The following DACH2 variants were observed in gnomAD, a reference collection of about 807,000 sequenced individuals.
The protein encoded by DACH2 is dachshund family transcription factor 2, also known as dachshund homolog 2.
In DACH2, 17 loss-of-function variants were observed where a neutral mutation model predicts 35.8. That is an observed-to-expected ratio of 0.48 (90% CI 0.33 to 0.71). The LOEUF is 0.71. Among genes scored for constraint, DACH2 ranks in the 30% least tolerant of loss-of-function variants. DACH2 has a pLI of 0.02. For synonymous variants in DACH2, 195 were observed against 177.3 expected (o/e 1.10, Z -0.79); for missense variants, 469 against 472.7 (o/e 0.99, Z 0.07).
intron 6 of DACH2, 122 bp downstream of exon 6, chrX:86,714,842 C>T: frequency 3.2e-6 from 2 of 619,868 alleles, no homozygotes; most frequent in Non-Finnish European, 4.7e-6. Flanking sequence ...AGTTAGCATA[C>T]AGTATTGATG....
chrX:86,548,775 TACCA>T (rs1195565966), intron 3 of DACH2, among the ~76,000 whole-genome samples: 2 of 112,455 alleles, frequency 1.8e-5, no homozygotes, highest in African/African-American at 6.5e-5. Context: ...AAAGTATTTA[TACCA>T]ACCATCTTAA....
intron 11 of DACH2, among the ~76,000 whole-genome samples, chrX:86,822,336 C>A (rs2042520880): frequency 9.0e-6 from 1 of 111,378 alleles, no homozygotes; most frequent in South Asian, 3.7e-4. Context: ...GAATTCATAA[C>A]CTAAAATTGG....
rs751567384 is a variant in DACH2, at chrX:86,494,824, G to C, written c.528-19455G>C. Among the ~76,000 whole-genome samples, 4 of 111,943 alleles carry C rather than the reference G, an allele frequency of 3.6e-5. No homozygotes were observed. The South Asian group carries it at 1.1e-3, about 31-fold the overall frequency. Reference sequence around the variant, plus strand: ...AATGCACCAGTATTTACAAATATGAGTAGTATATAAATATTCAAAATGGGC... The same window carrying C: ...AATGCACCAGTATTTACAAATATGACTAGTATATAAATATTCAAAATGGGC... On this transcript the variant is annotated intron_variant, in intron 2 of 11. Transcript: ENST00000373125.
chrX:86,653,966 C>G (rs2148408799), intron 4 of DACH2, among the ~76,000 whole-genome samples: 1 of 109,665 alleles, frequency 9.1e-6, no homozygotes, highest in Non-Finnish European at 1.9e-5. Context: ...TGCGCCCAGC[C>G]AATATTTTTT....
chrX:86,662,032 T>A (rs974734683), intron 4 of DACH2, among the ~76,000 whole-genome samples: 1 of 112,189 alleles, frequency 8.9e-6, no homozygotes, highest in Non-Finnish European at 1.9e-5. Context: ...TTGGTTGATA[T>A]GTACAGAGAG....
At chrX:86,828,035 GGAGT>G (rs200206167) in intron 11 of DACH2, 1 of 237,995 alleles carries the variant, frequency 4.2e-6, no homozygotes, top group Non-Finnish European at 7.1e-6. Context: ...TTTCTTTCAA[GGAGT>G]TAGTTCATAG....
At chrX:86,168,773 C>T (rs1406713302) in intron 1 of DACH2, among the ~76,000 whole-genome samples, 1 of 109,457 alleles carries the variant, frequency 9.1e-6, no homozygotes, top group Non-Finnish European at 1.9e-5. Context: ...AAAAAGACAA[C>T]TAATAAAAAC....
chrX:86,587,367 G>A (rs757341763), intron 3 of DACH2, among the ~76,000 whole-genome samples: 1 of 111,551 alleles, frequency 9.0e-6, no homozygotes, highest in Non-Finnish European at 1.9e-5. Context: ...AATAGAGATA[G>A]TTTGACTTCT....
At chrX:86,557,987 C>T (rs376705972) in intron 3 of DACH2, among the ~76,000 whole-genome samples, 1 of 27,711 alleles carries the variant, frequency 3.6e-5, no homozygotes, top group Non-Finnish European at 6.4e-5. Flanking sequence ...TGAATAGGAG[C>T]GGTGAGAGAG....
intron 1 of DACH2, among the ~76,000 whole-genome samples, chrX:86,191,172 G>A (rs2031823719): frequency 9.0e-6 from 1 of 111,386 alleles, no homozygotes; most frequent in East Asian, 2.8e-4. Context: ...AAAGACACAT[G>A]CACGTGTATG....
At chrX:86,738,805 G>T (rs764237518) in intron 6 of DACH2, among the ~76,000 whole-genome samples, 8 of 111,252 alleles carry the variant, frequency 7.2e-5, no homozygotes, top group Non-Finnish European at 1.5e-4. Flanking sequence ...AATAGTAGAA[G>T]AATTGACCTT....
intron 1 of DACH2, among the ~76,000 whole-genome samples, chrX:86,296,204 C>A (rs943654042): frequency 9.6e-6 from 1 of 103,885 alleles, no homozygotes; most frequent in Non-Finnish European, 2.0e-5. Flanking sequence ...ACGGTGAAAC[C>A]CCGTCTCTAC....
At chrX:86,565,387 A>G (rs1211335608) in intron 3 of DACH2, among the ~76,000 whole-genome samples, 1 of 111,556 alleles carries the variant, frequency 9.0e-6, no homozygotes, top group African/African-American at 3.3e-5. Context: ...TCCCCGGACC[A>G]TCAGCATTAG....
intron 3 of DACH2, among the ~76,000 whole-genome samples, chrX:86,615,005 C>T (rs2039987332): frequency 9.0e-6 from 1 of 111,521 alleles, no homozygotes; most frequent in South Asian, 3.8e-4. Context: ...TGTGAGGAAA[C>T]AAAGTGAATA....
At chrX:86,657,491 A>G (rs1326011446) in intron 4 of DACH2, among the ~76,000 whole-genome samples, 2 of 111,761 alleles carry the variant, frequency 1.8e-5, no homozygotes, top group Non-Finnish European at 3.8e-5. Context: ...CCCTGCTCTG[A>G]AATCAAGCTG....
At chrX:86,581,728 T>C (rs1188492088) in intron 3 of DACH2, among the ~76,000 whole-genome samples, 1 of 111,613 alleles carries the variant, frequency 9.0e-6, no homozygotes, top group Non-Finnish European at 1.9e-5. Context: ...AGCACTCAGA[T>C]TCATAATGCA....
At position 86,651,098 on chromosome X, in the gene DACH2, A is replaced by G. The variant is rs780882514; in HGVS notation, c.703A>G (p.Asn235Asp). 3.0e-5 allele frequency: 36 copies of G among 1,208,010 alleles called. No individual in the cohort carries two copies. In the Admixed American group the frequency reaches 7.5e-4, roughly 25 times the overall value. Residue 235 changes from asparagine to aspartate, a missense_variant, in exon 4 of 12, where the codon AAC (asparagine) becomes GAC (aspartate). Physicochemically the swap from Asn to Asp is conservative, Grantham distance 23. Coordinates refer to ENST00000373125, the MANE Select transcript of DACH2 (RefSeq NM_053281.3). Reference sequence around the variant, plus strand: ...TCAGAAGATGAAGCTTATGGCTATGAACACTCTTCAGGGAAATGGAAGCCA... The same window carrying G: ...TCAGAAGATGAAGCTTATGGCTATGGACACTCTTCAGGGAAATGGAAGCCA... Reference protein sequence around the residue: ...KLQKMKLMAMNTLQGNGSQNG... With the variant: ...KLQKMKLMAMDTLQGNGSQNG...
chrX:86,158,479 C>A (rs2030632471), intron 1 of DACH2, among the ~76,000 whole-genome samples: 1 of 109,921 alleles, frequency 9.1e-6, no homozygotes, highest in South Asian at 3.9e-4. Flanking sequence ...TTCTTCACAA[C>A]CATTTTGATC....
chrX:86,641,386 A>G (rs993752425), intron 3 of DACH2, among the ~76,000 whole-genome samples: 1 of 112,167 alleles, frequency 8.9e-6, no homozygotes, highest in African/African-American at 3.2e-5. Flanking sequence ...CTGAAATAAG[A>G]CAGTCAGACA....
Sources: allele counts gnomAD v4.1 joint callset (sites outside exome capture counted in the v4.1 genomes callset), GRCh38; gene constraint gnomAD v4.1.1; transcripts MANE v1.5; gene names NCBI Gene and HGNC (gene_info 2026-07-23, HGNC 2026-07-21).